RANBP2: variants seen among roughly 807,000 people sequenced by gnomAD.
The protein encoded by RANBP2 is E3 SUMO-protein ligase RanBP2.
Under a neutral mutation model 303.6 loss-of-function variants are expected in RANBP2, and 57 were observed. The observed-to-expected ratio is 0.19, with a 90% CI of 0.15 to 0.23. The LOEUF is 0.23. Among genes scored for constraint, RANBP2 ranks in the 10% least tolerant of loss-of-function variants. The pLI, the probability that RANBP2 is intolerant of heterozygous loss-of-function variation, is 1.00. For missense variants in RANBP2, 3,138 were observed against 3,780.8 expected, an observed-to-expected ratio of 0.83 and a Z score of 4.46; for synonymous variants, 1,167 against 1,301.5, an observed-to-expected ratio of 0.90 and a Z score of 2.23.
downstream of RANBP2, among the ~76,000 whole-genome samples, chr2:108,786,117 CTT>C (rs987766364): frequency 6.8e-6 from 1 of 146,334 alleles, no homozygotes; most frequent in Non-Finnish European, 1.5e-5. Flanking sequence ...TTGGCAAAAG[CTT>C]TTTTCTTTTC....
At chr2:109,098,578 T>C in the RANBP2 span, among the ~76,000 whole-genome samples, 1 of 152,234 alleles carries the variant, frequency 6.6e-6, no homozygotes, top group Non-Finnish European at 1.5e-5. Flanking sequence ...TTGTTTCTGC[T>C]TTCTTCAACC....
At chr2:109,668,812 G>C in the RANBP2 span, among the ~76,000 whole-genome samples, 1 of 152,154 alleles carries the variant, frequency 6.6e-6, no homozygotes, top group African/African-American at 2.4e-5. Context: ...TACAAAATGA[G>C]AGCAGGCACA....
At chr2:108,909,337 A>C in the RANBP2 span, among the ~76,000 whole-genome samples, 2 of 151,996 alleles carry the variant, frequency 1.3e-5, no homozygotes, top group African/African-American at 4.8e-5. Context: ...TAAGAGTTCC[A>C]TGCAGGGTGA....
the RANBP2 span, among the ~76,000 whole-genome samples, chr2:108,860,861 G>A: frequency 4.3e-5 from 6 of 139,916 alleles, no homozygotes; most frequent in Non-Finnish European, 7.6e-5. Context: ...TTTTGGAATA[G>A]TTTCAATAGA....
chr2:108,816,499 C>T, the RANBP2 span, among the ~76,000 whole-genome samples: 2 of 151,934 alleles, frequency 1.3e-5, no homozygotes, highest in Non-Finnish European at 2.9e-5. Context: ...CTGATGAGGC[C>T]CTTCTTCCTG....
the RANBP2 span, among the ~76,000 whole-genome samples, chr2:109,125,480 C>G: frequency 6.6e-6 from 1 of 152,206 alleles, no homozygotes; most frequent in East Asian, 1.9e-4. Flanking sequence ...ATGGATGAGG[C>G]CTCCGGATCC....
chr2:109,205,935 T>C, the RANBP2 span, among the ~76,000 whole-genome samples: 2 of 152,212 alleles, frequency 1.3e-5, no homozygotes, highest in East Asian at 3.8e-4. Flanking sequence ...AAAGTAGATG[T>C]GTGTTTTTCT....
At chr2:108,856,842 C>T in the RANBP2 span, 6 of 1,613,208 alleles carry the variant, frequency 3.7e-6, no homozygotes, top group South Asian at 1.1e-5. Context: ...GACTTGAAGA[C>T]AGAAGAAGGA....
the RANBP2 span, among the ~76,000 whole-genome samples, chr2:109,103,392 A>G: frequency 1.3e-5 from 2 of 152,244 alleles, no homozygotes; most frequent in African/African-American, 4.8e-5. Context: ...TAAAATATAT[A>G]AAACCAAGCT....
At chr2:109,130,196 T>A in the RANBP2 span, 1 of 1,195,224 alleles carries the variant, frequency 8.4e-7, no homozygotes, top group Non-Finnish European at 1.0e-6. Flanking sequence ...AGTGATGAGG[T>A]GCGGAGGAGA....
the RANBP2 span, among the ~76,000 whole-genome samples, chr2:109,733,524 G>T: frequency 6.6e-6 from 1 of 152,036 alleles, no homozygotes; most frequent in African/African-American, 2.4e-5. Context: ...ACAAGAAAAA[G>T]ATTCCCACTG....
At chr2:109,509,501 C>T in the RANBP2 span, among the ~76,000 whole-genome samples, 17 of 152,130 alleles carry the variant, frequency 1.1e-4, no homozygotes, top group Admixed American at 2.6e-4. Context: ...GCAGCTGTGG[C>T]GGGTCGTCTT....
chr2:108,753,682 A>G (rs890101562), intron 14 of RANBP2, 119 bp downstream of exon 14: 3 of 1,583,342 alleles, frequency 1.9e-6, no homozygotes, highest in Non-Finnish European at 2.6e-6. Flanking sequence ...GCTCACTGCA[A>G]CCTCTGCTTC....
the RANBP2 span, among the ~76,000 whole-genome samples, chr2:108,942,100 G>GCA: frequency 6.6e-6 from 1 of 152,232 alleles, no homozygotes; most frequent in Non-Finnish European, 1.5e-5. Context: ...TGTGTGTGCT[G>GCA]GGGGCAGAGG....
chr2:108,806,682 G>T, the RANBP2 span, among the ~76,000 whole-genome samples: 1 of 152,120 alleles, frequency 6.6e-6, no homozygotes, highest in Admixed American at 6.5e-5. Context: ...CAAGCAATGG[G>T]CATATTTAGC....
chr2:108,958,508 G>A, the RANBP2 span, among the ~76,000 whole-genome samples: 1 of 151,932 alleles, frequency 6.6e-6, no homozygotes, highest in Non-Finnish European at 1.5e-5. Context: ...TTCAGGCAGG[G>A]GGCAGAACAG....
the RANBP2 span, among the ~76,000 whole-genome samples, chr2:109,459,341 A>T: frequency 6.6e-6 from 1 of 152,114 alleles, no homozygotes; most frequent in Non-Finnish European, 1.5e-5. Flanking sequence ...ATTTATAATT[A>T]CTTTGTCTAC....
At chr2:109,658,309 T>G in the RANBP2 span, among the ~76,000 whole-genome samples, 1 of 143,988 alleles carries the variant, frequency 6.9e-6, no homozygotes, top group South Asian at 2.2e-4. Context: ...TAGCCAGGCA[T>G]GGTGGCAGGC....
the RANBP2 span, among the ~76,000 whole-genome samples, chr2:109,210,089 G>A: frequency 1.3e-5 from 2 of 152,156 alleles, no homozygotes; most frequent in African/African-American, 4.8e-5. Flanking sequence ...ATTTCATTTA[G>A]CACAGGGTCC....
Sources: gnomAD v4.1 joint callset for allele counts (sites outside exome capture counted in the v4.1 genomes callset) on GRCh38, gnomAD v4.1.1 for gene constraint, MANE v1.5 for transcripts, NCBI Gene and HGNC (gene_info 2026-07-23, HGNC 2026-07-21) for gene names.